BCL11A: variants seen among roughly 807,000 people sequenced by gnomAD.
The protein encoded by BCL11A is B cell CLL/lymphoma 11A.
Under a neutral mutation model 55.9 loss-of-function variants are expected in BCL11A, and 2 were observed. That is an observed-to-expected ratio of 0.04 (90% CI 0.01 to 0.11). The LOEUF is 0.11. Among genes scored for constraint, BCL11A ranks in the 10% least tolerant of loss-of-function variants. The pLI, the probability that BCL11A is intolerant of heterozygous loss-of-function variation, is 1.00. For missense variants in BCL11A, 817 were observed against 1,137.1 expected, an observed-to-expected ratio of 0.72 and a Z score of 4.05; for synonymous variants, 465 against 473.4, an observed-to-expected ratio of 0.98 and a Z score of 0.23.
At chr2:60,504,300 C>G (rs1160916224) in intron 2 of BCL11A, among the ~76,000 whole-genome samples, 1 of 152,210 alleles carries the variant, frequency 6.6e-6, no homozygotes, top group African/African-American at 2.4e-5. Context: ...CCTTCTGGGT[C>G]TGCCTGGGTC....
rs1208791473 is a variant in BCL11A, at chr2:60,461,084, C to T, written c.1828G>A (p.Gly610Ser). Residue 610 changes from glycine (G) to serine (S), a missense_variant, in exon 4 of 4, where the codon GGC becomes AGC. Coordinates refer to ENST00000642384, the MANE Select transcript of BCL11A (RefSeq NM_022893.4). Reference protein sequence around the residue: ...GTVNGRGCSPGESASGGLSKK... With the variant: ...GTVNGRGCSPSESASGGLSKK... ...GACAGGCCCCCCGAGGCCGACTCGC[C>T]CGGGGAGCAGCCGCGGCCATTAACA... 2.0e-5 allele frequency: 32 copies of T among 1,602,502 alleles called. No individual in the cohort carries two copies. Among genetic ancestry groups the T allele is most frequent in the Non-Finnish European group, 2.7e-5 (32 of 1,173,870 alleles).
At chr2:60,525,137 A>T (rs1306375666) in intron 2 of BCL11A, 2 of 152,210 alleles carry the variant, frequency 1.3e-5, no homozygotes, top group East Asian at 3.8e-4. Context: ...TTTTGGGAGG[A>T]GGAAGGAGGA....
At chr2:60,516,552 G>A (rs1299547294) in intron 2 of BCL11A, among the ~76,000 whole-genome samples, 1 of 152,214 alleles carries the variant, frequency 6.6e-6, no homozygotes, top group Admixed American at 6.5e-5. Context: ...ACCGTCATCC[G>A]GGGAAGTGGA....
intron 2 of BCL11A, among the ~76,000 whole-genome samples, chr2:60,513,311 C>A (rs1668570822): frequency 1.3e-5 from 2 of 152,138 alleles, no homozygotes; most frequent in Non-Finnish European, 2.9e-5. Context: ...AAGGAGGGGA[C>A]AAGGAATTTA....
At chr2:60,526,357 T>C (rs1669201426) in intron 2 of BCL11A, 1 of 152,216 alleles carries the variant, frequency 6.6e-6, no homozygotes, top group Non-Finnish European at 1.5e-5. Context: ...ATCTAATCAA[T>C]AAATAAATAA....
intron 3 of BCL11A, 90 bp from the exon 4 acceptor site, chr2:60,462,514 T>G: frequency 6.6e-7 from 1 of 1,510,122 alleles, no homozygotes; most frequent in South Asian, 1.3e-5. Context: ...CAGCCTTCCC[T>G]GCCCCCACCC....
At chr2:60,545,731 A>T (rs1670119333) in intron 2 of BCL11A, 1 of 491,804 alleles carries the variant, frequency 2.0e-6, no homozygotes, top group South Asian at 2.6e-5. Context: ...ATCCAGAGAG[A>T]AGGTGTCTGA....
intron 2 of BCL11A, among the ~76,000 whole-genome samples, chr2:60,531,549 T>C (rs1669457327): frequency 6.6e-6 from 1 of 152,208 alleles, no homozygotes; most frequent in East Asian, 1.9e-4. Flanking sequence ...AAAAATAGAT[T>C]CATAAGCCTT....
chr2:60,505,754 C>T (rs1042285224), intron 2 of BCL11A, among the ~76,000 whole-genome samples: 1 of 152,236 alleles, frequency 6.6e-6, no homozygotes, highest in African/African-American at 2.4e-5. Context: ...GGTAACCTCT[C>T]TACCTGGGTC....
At chr2:60,519,852 G>A (rs910121282) in intron 2 of BCL11A, among the ~76,000 whole-genome samples, 6 of 152,176 alleles carry the variant, frequency 3.9e-5, no homozygotes, top group Admixed American at 2.0e-4. Context: ...CAAAGAGATC[G>A]TTTTCATAGG....
chr2:60,453,458 G>A (rs1263318600), downstream of BCL11A, among the ~76,000 whole-genome samples: 1 of 152,148 alleles, frequency 6.6e-6, no homozygotes, highest in Non-Finnish European at 1.5e-5. Flanking sequence ...CAGGGGCCTG[G>A]GGCCTCCTCT....
intron 2 of BCL11A, among the ~76,000 whole-genome samples, chr2:60,489,736 A>G (rs1336154146): frequency 2.6e-5 from 4 of 151,576 alleles, no homozygotes; most frequent in African/African-American, 9.8e-5. Flanking sequence ...CTCCTTTCCA[A>G]CTGTCTATTT....
chr2:60,492,443 A>G (rs753046935), intron 2 of BCL11A, among the ~76,000 whole-genome samples: 1 of 152,204 alleles, frequency 6.6e-6, no homozygotes, highest in Non-Finnish European at 1.5e-5. Context: ...AGGGAAGAAA[A>G]AAACTTAGTT....
intron 2 of BCL11A, among the ~76,000 whole-genome samples, chr2:60,470,422 T>C (rs926780801): frequency 1.3e-5 from 2 of 152,174 alleles, no homozygotes. Context: ...TTTGCACTTG[T>C]TTTTGCCTCA....
At chr2:60,524,867 A>C (rs1669141631) in intron 2 of BCL11A, 1 of 152,254 alleles carries the variant, frequency 6.6e-6, no homozygotes, top group Non-Finnish European at 1.5e-5. Flanking sequence ...TGTGGAAAAC[A>C]GAAACATCCG....
intron 2 of BCL11A, among the ~76,000 whole-genome samples, chr2:60,472,237 A>T (rs1475122098): frequency 6.6e-6 from 1 of 152,226 alleles, no homozygotes; most frequent in Non-Finnish European, 1.5e-5. Flanking sequence ...AGCTTGTGCC[A>T]GACAGATTGT....
intron 2 of BCL11A, chr2:60,535,031 C>T (rs1669608751): frequency 6.6e-6 from 1 of 152,158 alleles, no homozygotes; most frequent in African/African-American, 2.4e-5. Context: ...GACAGGCCAG[C>T]CTGATGTGCA....
At chr2:60,530,332 T>A (rs202108972) in intron 2 of BCL11A, among the ~76,000 whole-genome samples, 90 of 129,910 alleles carry the variant, frequency 6.9e-4, no homozygotes, top group African/African-American at 2.3e-3. Context: ...TTCAGCCATT[T>A]AAAAAAAAAA....
chr2:60,477,864 G>C (rs1361831990), intron 2 of BCL11A, among the ~76,000 whole-genome samples: 1 of 152,218 alleles, frequency 6.6e-6, no homozygotes, highest in Non-Finnish European at 1.5e-5. Flanking sequence ...GGCTCTGTCA[G>C]GCCTCCCCCA....
Sources: gnomAD v4.1 joint callset for allele counts (sites outside exome capture counted in the v4.1 genomes callset) on GRCh38, gnomAD v4.1.1 for gene constraint, MANE v1.5 for transcripts, NCBI Gene and HGNC (gene_info 2026-07-23, HGNC 2026-07-21) for gene names.